The following HHIP variants were observed in gnomAD, a reference collection of about 807,000 sequenced individuals.
HHIP encodes the protein hedgehog-interacting protein.
HHIP carries 12 observed loss-of-function variants against 74.0 expected under a neutral mutation model. The ratio of observed to expected loss-of-function variants is 0.16; its 90% CI spans 0.10 to 0.26. The LOEUF (loss-of-function observed/expected upper bound fraction) is 0.26, where lower values mean the gene tolerates loss of function less well. HHIP is among the 10% of genes least tolerant of loss of function. HHIP has a pLI of 1.00. For synonymous variants in HHIP, 309 were observed against 311.6 expected (o/e 0.99, Z 0.09); for missense variants, 788 against 845.0 (o/e 0.93, Z 0.84).
chr4:144,651,479 C>T (rs1331772718), intron 1 of HHIP, among the ~76,000 whole-genome samples: 1 of 151,878 alleles, frequency 6.6e-6, no homozygotes, highest in Non-Finnish European at 1.5e-5. Flanking sequence ...CAAATTAGAA[C>T]CTTAATTTGT....
At chr4:144,647,871 C>T (rs1473143197) in intron 1 of HHIP, among the ~76,000 whole-genome samples, 3 of 152,088 alleles carry the variant, frequency 2.0e-5, no homozygotes, top group Admixed American at 1.3e-4. Context: ...CTTTGCTCCC[C>T]CTCCCTTTCC....
chr4:144,650,090 T>C (rs182907429), intron 1 of HHIP, among the ~76,000 whole-genome samples: 6 of 152,334 alleles, frequency 3.9e-5, no homozygotes, highest in Admixed American at 1.3e-4. Context: ...ATCGAACCCA[T>C]GTGGCTGCCT....
intron 11 of HHIP, among the ~76,000 whole-genome samples, chr4:144,725,934 G>A (rs1384008087): frequency 6.6e-6 from 1 of 152,104 alleles, no homozygotes; most frequent in Non-Finnish European, 1.5e-5. Flanking sequence ...GCCTCCCAAA[G>A]TGCTGGGATT....
Position 144,738,010 on chromosome 4 carries a change from G to C in HHIP, c.*53G>C. 1 of 1,421,274 alleles carries C rather than the reference G, an allele frequency of 7.0e-7. No individual in the cohort carries two copies. The highest frequency in any genetic ancestry group is 9.2e-7 in the Non-Finnish European group (1 of 1,086,620). The allele number at this position is 1,421,274 out of a possible 1,614,324, so 88.0% of individuals were successfully genotyped here. A position where few individuals can be genotyped will look rare whatever the true frequency, so the allele number is the denominator to read the frequency against. On this transcript the variant is annotated 3_prime_UTR_variant, in exon 13 of 13. Coordinates refer to ENST00000296575, the MANE Select transcript of HHIP (RefSeq NM_022475.3). ...CCAATGGGCATTTATTTTTTATCCTGTCATTAAAAAAAAAAGACTGTTATC... is the reference window on the plus strand; with the variant it reads ...CCAATGGGCATTTATTTTTTATCCTCTCATTAAAAAAAAAAGACTGTTATC...
chr4:144,737,323 C>A (rs981856436), intron 12 of HHIP, among the ~76,000 whole-genome samples: 1 of 152,168 alleles, frequency 6.6e-6, no homozygotes, highest in East Asian at 1.9e-4. Flanking sequence ...CTGTTCCTTT[C>A]TGTTGCACTG....
chr4:144,666,211 G>C (rs1452875908), intron 4 of HHIP, among the ~76,000 whole-genome samples: 1 of 151,632 alleles, frequency 6.6e-6, no homozygotes, highest in African/African-American at 2.4e-5. Flanking sequence ...CTTTGGTACA[G>C]AATTCCCTTT....
At chr4:144,649,022 A>G (rs796156251) in intron 1 of HHIP, among the ~76,000 whole-genome samples, 1 of 152,210 alleles carries the variant, frequency 6.6e-6, no homozygotes, top group South Asian at 2.1e-4. Context: ...TGTTCAAAAC[A>G]GAGATTTGCT....
chr4:144,646,424 T>C lies in HHIP; in HGVS notation c.-252T>C. On this transcript the variant is annotated 5_prime_UTR_variant, in exon 1 of 13. Transcript: ENST00000296575. Reference sequence around the variant, plus strand: ...CCAACCCAACTGACACTGGCACAACTGCAAACGGTGTCATCCGCACAACTT... The same window carrying C: ...CCAACCCAACTGACACTGGCACAACCGCAAACGGTGTCATCCGCACAACTT... The C allele has an allele frequency of 2.3e-6, 1 of 428,838 alleles. No individual in the cohort carries two copies. The highest frequency in any genetic ancestry group is 4.0e-5 in the Admixed American group (1 of 25,156). 26.6% of individuals were successfully genotyped at this position (428,838 alleles called of 1,614,324 possible). A position where few individuals can be genotyped will look rare whatever the true frequency, so the allele number is the denominator to read the frequency against.
chr4:144,710,642 G>A (rs1332412355), intron 7 of HHIP, among the ~76,000 whole-genome samples: 2 of 152,068 alleles, frequency 1.3e-5, no homozygotes, highest in Non-Finnish European at 2.9e-5. Context: ...GATTCTCAAT[G>A]GGATAATTTT....
chr4:144,717,933 TAAATC>T (rs1235483046), intron 10 of HHIP, among the ~76,000 whole-genome samples: 8 of 152,118 alleles, frequency 5.3e-5, no homozygotes, highest in African/African-American at 1.7e-4. Context: ...TGCACAGAAA[TAAATC>T]AAGATAAAAT....
intron 8 of HHIP, 136 bp downstream of exon 8, chr4:144,712,207 G>C (rs1730324766): frequency 2.8e-6 from 2 of 716,440 alleles, no homozygotes; most frequent in Non-Finnish European, 4.6e-6. Flanking sequence ...AATCATGCAG[G>C]AGTAAATTGC....
chr4:144,667,001 T>G (rs1227357499), intron 4 of HHIP, among the ~76,000 whole-genome samples: 1 of 152,212 alleles, frequency 6.6e-6, no homozygotes, highest in Non-Finnish European at 1.5e-5. Flanking sequence ...AAGGAAAATA[T>G]GCATGACTCA....
chr4:144,741,168 A>G lies in HHIP; in HGVS notation c.*3211A>G, dbSNP rs1731253151. 1 of 151,932 alleles carries G rather than the reference A, an allele frequency of 6.6e-6. No individual in the cohort carries two copies. Among genetic ancestry groups the G allele is most frequent in the African/African-American group, 2.4e-5 (1 of 41,372 alleles). The allele number at this position is 151,932 out of a possible 1,614,324, so 9.4% of individuals were successfully genotyped here. A position where few individuals can be genotyped will look rare whatever the true frequency, so the allele number is the denominator to read the frequency against. ...ATATTTTTTTATTTTATCATGAAGA[A>G]TACTCGGAAGGTTTCTCAGATTAAT... On this transcript the variant is annotated 3_prime_UTR_variant, in exon 13 of 13. Transcript: ENST00000296575.
At chr4:144,670,627 C>A (rs898288740) in intron 4 of HHIP, among the ~76,000 whole-genome samples, 3 of 149,738 alleles carry the variant, frequency 2.0e-5, no homozygotes, top group African/African-American at 7.4e-5. Flanking sequence ...TGTCCTCAGG[C>A]TTTTCTAGAT....
At chr4:144,692,559 C>T (rs1222138603) in intron 4 of HHIP, among the ~76,000 whole-genome samples, 1 of 152,272 alleles carries the variant, frequency 6.6e-6, no homozygotes, top group East Asian at 1.9e-4. Flanking sequence ...TTAGAGAGGT[C>T]TTTGCTAACG....
intron 4 of HHIP, among the ~76,000 whole-genome samples, chr4:144,694,167 A>G (rs1034990117): frequency 6.6e-6 from 1 of 151,964 alleles, no homozygotes; most frequent in Non-Finnish European, 1.5e-5. Flanking sequence ...CATATAAATC[A>G]TGAAAATACA....
intron 7 of HHIP, among the ~76,000 whole-genome samples, chr4:144,709,953 T>C (rs1248453134): frequency 1.3e-5 from 2 of 152,192 alleles, no homozygotes; most frequent in South Asian, 2.1e-4. Context: ...CCAGAGCCCA[T>C]GGTTTACATT....
chr4:144,666,866 A>G (rs1271193162), intron 4 of HHIP, among the ~76,000 whole-genome samples: 2 of 152,296 alleles, frequency 1.3e-5, no homozygotes, highest in East Asian at 1.9e-4. Flanking sequence ...CACTTTCTTT[A>G]TCTGTTAAAT....
chr4:144,674,821 G>A (rs1385170754), intron 4 of HHIP, among the ~76,000 whole-genome samples: 2 of 152,126 alleles, frequency 1.3e-5, no homozygotes, highest in Admixed American at 6.6e-5. Context: ...GAAGACTTGA[G>A]GCCCCAAATG....
Sources: gnomAD v4.1 joint callset for allele counts (sites outside exome capture counted in the v4.1 genomes callset) on GRCh38, gnomAD v4.1.1 for gene constraint, MANE v1.5 for transcripts, NCBI Gene and HGNC (gene_info 2026-07-23, HGNC 2026-07-21) for gene names.